CEP128: variants seen among roughly 807,000 people sequenced by gnomAD.
CEP128 encodes centrosomal protein 128kDa.
In CEP128, 132 loss-of-function variants were observed where a neutral mutation model predicts 156.7. That is an observed-to-expected ratio of 0.84 (90% confidence interval 0.73 to 0.97). CEP128 has a LOEUF of 0.97. Ranked by LOEUF, CEP128 falls within the 50% of genes least tolerant of loss-of-function variation. The pLI is 0.00. For missense variants in CEP128, 1,252 were observed against 1,281.9 expected, an observed-to-expected ratio of 0.98 and a Z score of 0.36; for synonymous variants, 469 against 448.9, an observed-to-expected ratio of 1.04 and a Z score of -0.57.
At chr14:80,767,876 T>C (rs1900317759) in intron 16 of CEP128, among the ~76,000 whole-genome samples, 1 of 152,134 alleles carries the variant, frequency 6.6e-6, no homozygotes, top group Admixed American at 6.6e-5. Flanking sequence ...AAAATTTAAA[T>C]TTCTGCTCTG....
intron 20 of CEP128, among the ~76,000 whole-genome samples, chr14:80,576,288 T>C (rs1428574563): frequency 6.6e-6 from 1 of 152,070 alleles, no homozygotes; most frequent in Non-Finnish European, 1.5e-5. Context: ...GAAAAAGGGA[T>C]TTGCTTGTTT....
chr14:80,598,344 A>T (rs1396123745), intron 19 of CEP128, among the ~76,000 whole-genome samples: 1 of 152,144 alleles, frequency 6.6e-6, no homozygotes, highest in East Asian at 1.9e-4. Flanking sequence ...ATCAAAATTT[A>T]AAATTATTAT....
At chr14:80,520,235 A>G (rs1888674860) in intron 23 of CEP128, among the ~76,000 whole-genome samples, 1 of 152,146 alleles carries the variant, frequency 6.6e-6, no homozygotes, top group Admixed American at 6.5e-5. Context: ...CCTGGCCAAC[A>G]TGGTGAAACC....
At chr14:80,710,024 T>C (rs1045318042) in intron 19 of CEP128, among the ~76,000 whole-genome samples, 8 of 151,902 alleles carry the variant, frequency 5.3e-5, no homozygotes, top group Non-Finnish European at 1.0e-4. Flanking sequence ...ACAATTTGTT[T>C]TGTACCCTGT....
At position 80,906,044 on chromosome 14, in the gene CEP128, C is replaced by T. The variant is rs772097326; in HGVS notation, c.272G>A (p.Arg91Gln). The T allele has an allele frequency of 4.7e-5, 76 of 1,607,934 alleles. No homozygotes were observed. The highest frequency in any genetic ancestry group is 3.6e-4 in the East Asian group (16 of 44,680). The change falls in exon 5 of 25, where the codon CGG (arginine) becomes CAG (glutamine). Residue 91 changes from arginine (R) to glutamine (Q), a missense_variant. By Grantham distance (43) the Arg-to-Gln change is conservative. Coordinates refer to ENST00000555265, the MANE Select transcript of CEP128 (RefSeq NM_152446.5). ...ESLEQSIDQL[R>Q]SQRLLRNSGG... ...TGAGTTTCTCAATAAACGTTGACTC[C>T]GGAGTTGGTCGATTGATTGTTCCAA... is the stretch of plus-strand genomic sequence containing the variant.
intron 8 of CEP128, among the ~76,000 whole-genome samples, chr14:80,888,564 T>C (rs1011776205): frequency 1.3e-5 from 2 of 152,292 alleles, no homozygotes. Context: ...GAAAAGGCCT[T>C]TGACAAAATT....
chr14:80,575,478 G>A (rs573038636), intron 20 of CEP128, among the ~76,000 whole-genome samples: 3 of 152,206 alleles, frequency 2.0e-5, no homozygotes, highest in South Asian at 4.2e-4. Flanking sequence ...ATGAAAATAT[G>A]AATTTAAATT....
At position 80,620,900 on chromosome 14, in the gene CEP128, C is replaced by T. The variant is rs529918517; in HGVS notation, c.2807-40477G>A. ...TACAAATAGCATGTACTTCCAAACA[C>T]GTAGAGATGAAAAGTGTGCAGAAAA... On this transcript the variant is annotated intron_variant, in intron 19 of 24. Coordinates refer to ENST00000555265, the MANE Select transcript of CEP128 (RefSeq NM_152446.5). Among the ~76,000 whole-genome samples, 24 of 152,198 alleles carry T rather than the reference C, an allele frequency of 1.6e-4. 1 individual carries two copies. The highest frequency in any genetic ancestry group is 1.2e-3 in the South Asian group (6 of 4,818).
At chr14:80,809,897 C>CA (rs1884405559) in intron 13 of CEP128, among the ~76,000 whole-genome samples, 1 of 151,766 alleles carries the variant, frequency 6.6e-6, no homozygotes, top group Admixed American at 6.6e-5. Context: ...AATGAAAACA[C>CA]ATGAAGATAT....
chr14:80,507,325 C>G (rs1446540439), intron 23 of CEP128, among the ~76,000 whole-genome samples: 1 of 152,092 alleles, frequency 6.6e-6, no homozygotes, highest in Non-Finnish European at 1.5e-5. Context: ...ATAAGAAACT[C>G]GAAGTCATTC....
chr14:80,711,115 T>C (rs979637789), intron 19 of CEP128, among the ~76,000 whole-genome samples: 1 of 152,160 alleles, frequency 6.6e-6, no homozygotes, highest in Non-Finnish European at 1.5e-5. Flanking sequence ...ATGGTTTTCA[T>C]TGTTTCTATA....
At chr14:80,514,456 C>A (rs922615924) in intron 23 of CEP128, among the ~76,000 whole-genome samples, 1 of 151,654 alleles carries the variant, frequency 6.6e-6, no homozygotes, top group African/African-American at 2.4e-5. Context: ...AATAGCCTGT[C>A]TTTAAACCCA....
At chr14:80,900,503 T>C (rs1233679239) in intron 6 of CEP128, among the ~76,000 whole-genome samples, 1 of 152,234 alleles carries the variant, frequency 6.6e-6, no homozygotes, top group Non-Finnish European at 1.5e-5. Flanking sequence ...TTTTATTCTA[T>C]CAGCCTATAA....
At chr14:80,550,623 T>C (rs923228098) in intron 21 of CEP128, among the ~76,000 whole-genome samples, 1 of 151,800 alleles carries the variant, frequency 6.6e-6, no homozygotes, top group Admixed American at 6.6e-5. Context: ...TTCATAAGTG[T>C]TTTTATCATT....
chr14:80,884,723 C>A (rs1332876948), intron 8 of CEP128, among the ~76,000 whole-genome samples: 1 of 152,174 alleles, frequency 6.6e-6, no homozygotes, highest in Non-Finnish European at 1.5e-5. Context: ...AAGCACAAAA[C>A]TGGGCAGCTG....
chr14:80,487,373 A>G (rs1887190335), downstream of CEP128, among the ~76,000 whole-genome samples: 2 of 152,212 alleles, frequency 1.3e-5, no homozygotes, highest in African/African-American at 2.4e-5. Flanking sequence ...CAGATTCATA[A>G]AGCAAGTCCT....
rs74064263 is a variant in CEP128, at chr14:80,572,339, T to G, written c.2856+8035A>C. Among the ~76,000 whole-genome samples the G allele has an allele frequency of 9.0e-3, 1,365 of 152,276 alleles. 28 individuals carry two copies. The highest frequency in any genetic ancestry group is 0.027 in the African/African-American group (1,140 of 41,536). On this transcript the variant is annotated intron_variant, in intron 20 of 24. Coordinates refer to ENST00000555265, the MANE Select transcript of CEP128 (RefSeq NM_152446.5). Reference sequence around the variant, plus strand: ...CTCAGAGATTTGTTTCATGAGTCAATGAAAATGTGTTTCAACCAGAAAGGT... The same window carrying G: ...CTCAGAGATTTGTTTCATGAGTCAAGGAAAATGTGTTTCAACCAGAAAGGT...
intron 18 of CEP128, among the ~76,000 whole-genome samples, chr14:80,750,887 T>G (rs1032012559): frequency 2.0e-5 from 3 of 152,176 alleles, no homozygotes; most frequent in African/African-American, 7.2e-5. Flanking sequence ...TATTTGGAGA[T>G]GGGGCCTTTA....
chr14:80,796,159 C>G (rs917174744), intron 13 of CEP128, among the ~76,000 whole-genome samples: 2 of 152,116 alleles, frequency 1.3e-5, no homozygotes, highest in African/African-American at 4.8e-5. Context: ...CAGCTCTCAT[C>G]AAGATCCCCA....
Sources: allele counts gnomAD v4.1 joint callset (sites outside exome capture counted in the v4.1 genomes callset), GRCh38; gene constraint gnomAD v4.1.1; transcripts MANE v1.5; gene names NCBI Gene and HGNC (gene_info 2026-07-23, HGNC 2026-07-21).